Variants in SLFN12L observed in about 807,000 individuals in gnomAD.
SLFN12L encodes schlafen family member 12 like.
A neutral mutation model predicts 34.8 loss-of-function variants in SLFN12L; 34 were observed. That is an observed-to-expected ratio of 0.98 (90% CI 0.74 to 1.30). The LOEUF (loss-of-function observed/expected upper bound fraction) is 1.30, where lower values mean the gene tolerates loss of function less well. Among genes scored for constraint, SLFN12L ranks in the 50% most tolerant of loss-of-function variants. The probability of loss-of-function intolerance (pLI) is 0.00; values close to 1 mark genes in which losing one functional copy is unlikely to be tolerated. For synonymous variants in SLFN12L, 259 were observed against 247.5 expected, an observed-to-expected ratio of 1.05 and a Z score of -0.44; for missense variants, 703 against 696.2, an observed-to-expected ratio of 1.01 and a Z score of -0.11.
intron 2 of SLFN12L, among the ~76,000 whole-genome samples, chr17:35,513,664 T>C (rs78062266): frequency 0.04 from 6,021 of 152,324 alleles, 241 homozygotes; most frequent in African/African-American, 0.1. Flanking sequence ...TCCATTCTTT[T>C]CAGGTCTTCA....
rs9896155 is a variant in SLFN12L, at chr17:35,467,678, A to C, written c.*7245T>G. ...CTTAACCTATTTTTATAGATTTTCA[A>C]TATCAAACCCCCCCCATCAGGAGGC... is the stretch of plus-strand genomic sequence containing the variant. On this transcript the variant is annotated 3_prime_UTR_variant, in exon 5 of 5. Coordinates refer to ENST00000628453, the MANE Select transcript of SLFN12L (RefSeq NM_001363830.2). 1.3e-5 allele frequency among the ~76,000 whole-genome samples: 2 copies of C among 151,510 alleles called. No individual in the cohort carries two copies. Among genetic ancestry groups the C allele is most frequent in the African/African-American group, 4.9e-5 (2 of 41,186 alleles).
chr17:35,471,859 C>T lies in SLFN12L; in HGVS notation c.*3064G>A, dbSNP rs1325889801. 6.6e-6 allele frequency among the ~76,000 whole-genome samples: 1 copy of T among 151,904 alleles called. No homozygotes were observed. The highest frequency in any genetic ancestry group is 1.5e-5 in the Non-Finnish European group (1 of 67,984). Reference sequence around the variant, plus strand: ...ATACGTTTGTTGGCTGTATAAATGTCTTCTTTTGAGAAATGTCTATTCATA... The same window carrying T: ...ATACGTTTGTTGGCTGTATAAATGTTTTCTTTTGAGAAATGTCTATTCATA... On this transcript the variant is annotated 3_prime_UTR_variant, in exon 5 of 5. Transcript: ENST00000628453.
At chr17:35,513,337 A>G (rs910045973) in intron 2 of SLFN12L, among the ~76,000 whole-genome samples, 3 of 152,108 alleles carry the variant, frequency 2.0e-5, no homozygotes, top group Non-Finnish European at 4.4e-5. Flanking sequence ...AGAGGGAGAC[A>G]CTGGAACTGT....
Position 35,530,412 on chromosome 17 carries a change from AG to A in SLFN12L, c.-606+7160del, listed in dbSNP as rs1209151689. Among the ~76,000 whole-genome samples the A allele has an allele frequency of 6.6e-3, 74 of 11,266 alleles. 2 individuals are homozygous for A. Among genetic ancestry groups the A allele is most frequent in the African/African-American group, 0.018 (68 of 3,762 alleles). The allele number at this position is 11,266 out of a possible 152,430, so 7.4% of individuals were successfully genotyped here. ...AAGGAAGGAAGGAAGGAAGGAAGGA[AG>A]GAAGGAAGGAAGGAAGGGAAGGGAA... On this transcript the variant is annotated intron_variant, in intron 1 of 4. Transcript: ENST00000628453.
At position 35,523,566 on chromosome 17, in the gene SLFN12L, C is replaced by A. The variant is rs79515499; in HGVS notation, c.-605-597G>T. ...ATCAATCTGAGGCTCCCCCCCATTA[C>A]AAAAGTCTTCTCTTTGTCACAGGCA... is the stretch of plus-strand genomic sequence containing the variant. On this transcript the variant is annotated intron_variant, in intron 1 of 4. Transcript: ENST00000628453. 0.017 allele frequency among the ~76,000 whole-genome samples: 2,582 copies of A among 152,302 alleles called. 108 individuals are homozygous for A. In the East Asian group the frequency reaches 0.18, roughly 11 times the overall value.
chr17:35,491,007 C>A, intron 2 of SLFN12L: 1 of 788,518 alleles, frequency 1.3e-6, no homozygotes, highest in Non-Finnish European at 2.3e-6. Context: ...AACCTTTCTC[C>A]TCCGGCCTCC....
chr17:35,498,297 C>A, intron 2 of SLFN12L: 1 of 813,846 alleles, frequency 1.2e-6, no homozygotes, highest in Non-Finnish European at 2.2e-6. Context: ...CTCAGACGGT[C>A]CCCTGAAGCA....
rs1567693574 is a variant in SLFN12L, at chr17:35,530,414, GAA to G, written c.-606+7157_-606+7158del. Among the ~76,000 whole-genome samples the G allele has an allele frequency of 0.036, 433 of 12,082 alleles. 64 individuals carry two copies. The East Asian group carries it at 0.38, about 11-fold the overall frequency. The allele number at this position is 12,082 out of a possible 152,430, so 7.9% of individuals were successfully genotyped here. ...GGAAGGAAGGAAGGAAGGAAGGAAGGAAGGAAGGAAGGAAGGGAAGGGAAGGG... is the reference window on the plus strand; with the variant it reads ...GGAAGGAAGGAAGGAAGGAAGGAAGGGGAAGGAAGGAAGGGAAGGGAAGGG... On this transcript the variant is annotated intron_variant, in intron 1 of 4. Transcript: ENST00000628453.
chr17:35,466,409 T>C lies in SLFN12L; in HGVS notation c.*8514A>G, dbSNP rs1398072947. Among the ~76,000 whole-genome samples the C allele has an allele frequency of 1.3e-5, 2 of 152,206 alleles. No individual in the cohort carries two copies. The highest frequency in any genetic ancestry group is 4.8e-5 in the African/African-American group (2 of 41,456). On this transcript the variant is annotated 3_prime_UTR_variant, in exon 5 of 5. Transcript: ENST00000628453. ...CATATAGTTGGAATCATACAGTATA[T>C]AGCCTTTTCAGATGGCCTTCTTTTT...
At chr17:35,510,152 G>A (rs1915592757) in intron 2 of SLFN12L, 1 of 152,208 alleles carries the variant, frequency 6.6e-6, no homozygotes, top group Admixed American at 6.5e-5. Context: ...TCCACTTTCT[G>A]CTTTAATCTT....
intron 2 of SLFN12L, among the ~76,000 whole-genome samples, chr17:35,501,295 A>C (rs1915288153): frequency 6.6e-6 from 1 of 152,232 alleles, no homozygotes; most frequent in South Asian, 2.1e-4. Context: ...GTGGCTGAAC[A>C]CCAGGAGGAA....
intron 2 of SLFN12L, chr17:35,498,338 G>C (rs1482554763): frequency 2.1e-6 from 2 of 936,154 alleles, no homozygotes; most frequent in African/African-American, 1.6e-5. Context: ...CTGCTGAAGA[G>C]TTGGCGGCCA....
chr17:35,479,066 T>G, intron 3 of SLFN12L, 51 bp downstream of exon 3: 1 of 1,378,328 alleles, frequency 7.3e-7, no homozygotes, highest in Non-Finnish European at 9.8e-7. Context: ...AATAAAACCT[T>G]CCTGCCACCC....
chr17:35,526,091 G>A (rs4795079), intron 1 of SLFN12L, among the ~76,000 whole-genome samples: 140,187 of 152,224 alleles, frequency 0.92, 64,637 homozygotes, highest in East Asian at 1. Flanking sequence ...TAAACCAACA[G>A]AGATCAAAAA....
rs1913843337 is a variant in SLFN12L at position 35,473,515 on chromosome 17, T to G, written c.*1408A>C. On this transcript the variant is annotated 3_prime_UTR_variant, in exon 5 of 5. Coordinates refer to ENST00000628453, the MANE Select transcript of SLFN12L (RefSeq NM_001363830.2). Reference sequence around the variant, plus strand: ...AGGGATGAGGCCCACTTGATCGTGGTGGATAAGCTTTTCTGACATGCCACT... The same window carrying G: ...AGGGATGAGGCCCACTTGATCGTGGGGGATAAGCTTTTCTGACATGCCACT... Among the ~76,000 whole-genome samples the G allele has an allele frequency of 6.6e-6, 1 of 152,234 alleles. No homozygotes were observed. The highest frequency in any genetic ancestry group is 1.5e-5 in the Non-Finnish European group (1 of 68,030).
intron 2 of SLFN12L, among the ~76,000 whole-genome samples, chr17:35,492,695 TTG>T: frequency 6.6e-6 from 1 of 152,236 alleles, no homozygotes. Context: ...GTTGGAGGTT[TTG>T]TGTCAGCTGC....
intron 1 of SLFN12L, among the ~76,000 whole-genome samples, chr17:35,523,772 A>C (rs977310973): frequency 6.6e-6 from 1 of 152,080 alleles, no homozygotes; most frequent in Non-Finnish European, 1.5e-5. Context: ...CTGTTTCTAC[A>C]AAAAATATAA....
intron 2 of SLFN12L, among the ~76,000 whole-genome samples, chr17:35,488,364 C>G (rs1422229721): frequency 6.6e-6 from 1 of 152,226 alleles, no homozygotes; most frequent in South Asian, 2.1e-4. Flanking sequence ...GAGGGAGGTG[C>G]GAGGAGCGGG....
intron 1 of SLFN12L, among the ~76,000 whole-genome samples, chr17:35,526,039 A>G (rs1003878901): frequency 6.6e-6 from 1 of 152,244 alleles, no homozygotes; most frequent in African/African-American, 2.4e-5. Context: ...GAAAGCAAAG[A>G]AAAGCAGGGG....
Sources: allele counts gnomAD v4.1 joint callset (sites outside exome capture counted in the v4.1 genomes callset), GRCh38; gene constraint gnomAD v4.1.1; transcripts MANE v1.5; gene names NCBI Gene and HGNC (gene_info 2026-07-23, HGNC 2026-07-21).